Variants in TMTC2 observed in about 807,000 individuals in gnomAD.
TMTC2 encodes the protein protein O-mannosyl-transferase TMTC2.
Under a neutral mutation model 82.4 loss-of-function variants are expected in TMTC2, and 43 were observed. The ratio of observed to expected loss-of-function variants is 0.52; its 90% CI spans 0.41 to 0.67. TMTC2 has a LOEUF of 0.67. TMTC2 is among the 30% of genes least tolerant of loss of function. TMTC2 has a pLI of 0.00. For missense variants in TMTC2, 919 were observed against 1,012.4 expected (o/e 0.91, Z 1.25); for synonymous variants, 408 against 381.9 (o/e 1.07, Z -0.80).
At chr12:83,097,667 C>G (rs565861303) in intron 11 of TMTC2, among the ~76,000 whole-genome samples, 39 of 152,196 alleles carry the variant, frequency 2.6e-4, no homozygotes, top group African/African-American at 9.4e-4. Context: ...ATGATGCATG[C>G]TATATTTATA....
chr12:83,107,658 A>G (rs1199202704), intron 11 of TMTC2, among the ~76,000 whole-genome samples: 3 of 152,218 alleles, frequency 2.0e-5, no homozygotes, highest in African/African-American at 7.2e-5. Flanking sequence ...GTAAACATGG[A>G]TAAGAAAAAA....
intron 8 of TMTC2, among the ~76,000 whole-genome samples, chr12:82,995,863 C>A (rs1464272330): frequency 6.6e-6 from 1 of 152,180 alleles, no homozygotes; most frequent in African/African-American, 2.4e-5. Context: ...TCCACACCTC[C>A]TTGGCTCAAG....
At chr12:82,988,790 TACA>T (rs1265636065) in intron 8 of TMTC2, among the ~76,000 whole-genome samples, 1 of 149,574 alleles carries the variant, frequency 6.7e-6, no homozygotes, top group Non-Finnish European at 1.5e-5. Context: ...TTCAAATACC[TACA>T]TTTAGAGGTC....
chr12:82,884,736 A>G (rs961028775), intron 2 of TMTC2, among the ~76,000 whole-genome samples: 2 of 152,160 alleles, frequency 1.3e-5, no homozygotes, highest in East Asian at 1.9e-4. Context: ...ATTTGTTGCA[A>G]TTAATGACCC....
intron 1 of TMTC2, among the ~76,000 whole-genome samples, chr12:82,726,681 C>T (rs1449895679): frequency 6.6e-6 from 1 of 152,026 alleles, no homozygotes; most frequent in African/African-American, 2.4e-5. Context: ...GAGATAGAGA[C>T]CATCCTGGCT....
chr12:82,738,448 C>T (rs1402368866), intron 1 of TMTC2, among the ~76,000 whole-genome samples: 2 of 152,096 alleles, frequency 1.3e-5, no homozygotes, highest in Non-Finnish European at 2.9e-5. Flanking sequence ...TACTGAGTGA[C>T]AGGGATATTT....
intron 1 of TMTC2, among the ~76,000 whole-genome samples, chr12:82,731,008 G>A (rs954098960): frequency 1.3e-5 from 2 of 152,146 alleles, no homozygotes; most frequent in African/African-American, 4.8e-5. Context: ...TCTTCAATAA[G>A]GTAATTATTT....
intron 1 of TMTC2, among the ~76,000 whole-genome samples, chr12:82,776,403 T>TGG (rs1565745568): frequency 3.3e-5 from 5 of 152,110 alleles, no homozygotes; most frequent in Non-Finnish European, 7.4e-5. Context: ...CCTGTGCATT[T>TGG]TATTTCCTGC....
chr12:82,819,632 G>C (rs1592548081), intron 1 of TMTC2, among the ~76,000 whole-genome samples: 1 of 151,202 alleles, frequency 6.6e-6, no homozygotes, highest in East Asian at 2.0e-4. Flanking sequence ...CTCTTTAGTA[G>C]CTGGGATTAC....
chr12:82,994,471 T>A (rs1879529643), intron 8 of TMTC2, among the ~76,000 whole-genome samples: 1 of 152,180 alleles, frequency 6.6e-6, no homozygotes, highest in South Asian at 2.1e-4. Context: ...GTCTGTTTGG[T>A]TTCTGTATCT....
chr12:83,001,246 C>A (rs570540662), intron 8 of TMTC2, among the ~76,000 whole-genome samples: 1 of 152,264 alleles, frequency 6.6e-6, no homozygotes, highest in South Asian at 2.1e-4. Context: ...TGTTAGCTCG[C>A]AAATTTTCCA....
At chr12:82,850,335 T>C (rs11115459) in intron 1 of TMTC2, among the ~76,000 whole-genome samples, 38,050 of 152,090 alleles carry the variant, frequency 0.25, 11,407 homozygotes, top group African/African-American at 0.72. Flanking sequence ...AAGCAGCACA[T>C]GTAGTGTTAA....
chr12:82,986,271 C>A, intron 8 of TMTC2: 1 of 512,614 alleles, frequency 2.0e-6, no homozygotes, highest in Non-Finnish European at 3.5e-6. Flanking sequence ...ACATCTTGAT[C>A]TAGATAATAT....
At chr12:82,748,328 A>G (rs1875798320) in intron 1 of TMTC2, among the ~76,000 whole-genome samples, 1 of 152,054 alleles carries the variant, frequency 6.6e-6, no homozygotes, top group Non-Finnish European at 1.5e-5. Context: ...AAAAAAGTTT[A>G]GAAGTCATTT....
chr12:82,753,556 A>G (rs967194220), intron 1 of TMTC2, among the ~76,000 whole-genome samples: 1 of 152,222 alleles, frequency 6.6e-6, no homozygotes, highest in African/African-American at 2.4e-5. Flanking sequence ...AAAACTGATT[A>G]GGAAGACAGT....
At chr12:83,106,828 A>G (rs961108087) in intron 11 of TMTC2, among the ~76,000 whole-genome samples, 1 of 152,242 alleles carries the variant, frequency 6.6e-6, no homozygotes, top group Admixed American at 6.5e-5. Flanking sequence ...AGAACTTTTT[A>G]GATAATCAAA....
chr12:82,892,539 A>G (rs1316236185), intron 2 of TMTC2, among the ~76,000 whole-genome samples: 1 of 152,222 alleles, frequency 6.6e-6, no homozygotes, highest in Non-Finnish European at 1.5e-5. Flanking sequence ...TTCTGTCTTT[A>G]GAAATAAAAT....
chr12:83,081,765 G>A (rs556381615), intron 11 of TMTC2, among the ~76,000 whole-genome samples: 75 of 152,238 alleles, frequency 4.9e-4, no homozygotes, highest in African/African-American at 1.7e-3. Context: ...TGGGCTGGGC[G>A]CAGTGGCTCA....
intron 4 of TMTC2, among the ~76,000 whole-genome samples, chr12:82,964,696 T>C (rs762812835): frequency 7.9e-5 from 12 of 152,086 alleles, no homozygotes; most frequent in Non-Finnish European, 1.5e-4. Flanking sequence ...TGGGAAAATG[T>C]GCATGCTCCA....
Sources: allele counts gnomAD v4.1 joint callset (sites outside exome capture counted in the v4.1 genomes callset), GRCh38; gene constraint gnomAD v4.1.1; transcripts MANE v1.5; gene names NCBI Gene and HGNC (gene_info 2026-07-23, HGNC 2026-07-21).